The following SMG6 variants were observed in gnomAD, a reference collection of about 807,000 sequenced individuals.
The protein encoded by SMG6 is telomerase-binding protein EST1A.
In SMG6, 66 loss-of-function variants were observed where a neutral mutation model predicts 142.2. The ratio of observed to expected loss-of-function variants is 0.46; its 90% CI spans 0.38 to 0.57. The LOEUF (loss-of-function observed/expected upper bound fraction) is 0.57. SMG6 is among the 20% of genes least tolerant of loss of function. The probability of loss-of-function intolerance (pLI) is 0.00; values close to 1 mark genes in which losing one functional copy is unlikely to be tolerated. For missense variants in SMG6, 1,793 were observed against 1,832.0 expected (o/e 0.98, Z 0.39); for synonymous variants, 779 against 702.4 (o/e 1.11, Z -1.72).
intron 13 of SMG6, among the ~76,000 whole-genome samples, chr17:2,136,869 C>T (rs1005866064): frequency 2.0e-5 from 3 of 151,908 alleles, no homozygotes; most frequent in Admixed American, 1.3e-4. Context: ...CCTGAAAGAT[C>T]AAATTAAGGT....
rs1212132989 is a variant in SMG6 at position 2,079,611 on chromosome 17, CA to C, written c.3681+2198del. ...AGATCACGACAGCGAGACTCCATCT[CA>C]AAAAAAAAAAAGTAAAAGAAGCATG... On this transcript the variant is annotated intron_variant, in intron 15 of 18. Transcript: ENST00000263073. 7.6e-3 allele frequency among the ~76,000 whole-genome samples: 996 copies of C among 131,760 alleles called. 11 individuals carry two copies. The highest frequency in any genetic ancestry group is 0.023 in the African/African-American group (837 of 35,790). The allele number at this position is 131,760 out of a possible 152,430, so 86.4% of individuals were successfully genotyped here.
chr17:2,172,616 G>C, intron 13 of SMG6, 42 bp downstream of exon 13: 4 of 1,596,716 alleles, frequency 2.5e-6, no homozygotes, highest in Non-Finnish European at 3.4e-6. Context: ...GGAGAATTAA[G>C]AGGAGGGGCG....
At chr17:2,292,152 T>C (rs934008096) in intron 6 of SMG6, among the ~76,000 whole-genome samples, 1 of 152,226 alleles carries the variant, frequency 6.6e-6, no homozygotes, top group Non-Finnish European at 1.5e-5. Flanking sequence ...AGCAAAGATC[T>C]GACTACTTAG....
At chr17:2,088,985 T>C (rs2068641526) in intron 13 of SMG6, among the ~76,000 whole-genome samples, 1 of 152,134 alleles carries the variant, frequency 6.6e-6, no homozygotes, top group Non-Finnish European at 1.5e-5. Context: ...ATACAGTTAA[T>C]AAGAGACTTC....
chr17:2,156,450 T>C (rs936476970), intron 13 of SMG6, among the ~76,000 whole-genome samples: 1 of 146,022 alleles, frequency 6.8e-6, no homozygotes. Context: ...TACAGGTCCT[T>C]CTATCTTAGA....
intron 13 of SMG6, among the ~76,000 whole-genome samples, chr17:2,093,768 A>T (rs1254735400): frequency 6.6e-6 from 1 of 151,916 alleles, no homozygotes; most frequent in Non-Finnish European, 1.5e-5. Flanking sequence ...CTTGAGCTCA[A>T]GCGGGAAGCT....
Position 2,167,131 on chromosome 17 carries a change from C to CAAAA in SMG6, c.3357+5523_3357+5526dup, listed in dbSNP as rs57898779. On this transcript the variant is annotated intron_variant, in intron 13 of 18. Transcript: ENST00000263073. ...TGGGCGACAGAGTAGGACTCCATCT[C>CAAAA]AAAAAAAAAAAAAAAAAAAAAAAAA... Among the ~76,000 whole-genome samples, 72 of 35,676 alleles carry CAAAA rather than the reference C, an allele frequency of 2.0e-3. 2 individuals are homozygous for CAAAA. The highest frequency in any genetic ancestry group is 0.031 in the Middle Eastern group (1 of 32). 23.4% of individuals were successfully genotyped at this position (35,676 alleles called of 152,430 possible). A position where few individuals can be genotyped will look rare whatever the true frequency, so the allele number is the denominator to read the frequency against.
At chr17:2,211,124 G>C (rs1362529382) in intron 10 of SMG6, among the ~76,000 whole-genome samples, 1 of 133,188 alleles carries the variant, frequency 7.5e-6, no homozygotes, top group Non-Finnish European at 1.6e-5. Context: ...ATAGAAAAAA[G>C]ATACATAGAA....
At chr17:2,191,626 A>C (rs917094513) in intron 10 of SMG6, among the ~76,000 whole-genome samples, 2 of 152,164 alleles carry the variant, frequency 1.3e-5, no homozygotes, top group African/African-American at 2.4e-5. Context: ...AGGAAGTCAG[A>C]CGGAAATATT....
At chr17:2,223,682 C>T (rs905648603) in intron 10 of SMG6, among the ~76,000 whole-genome samples, 1 of 152,188 alleles carries the variant, frequency 6.6e-6, no homozygotes, top group African/African-American at 2.4e-5. Flanking sequence ...GCAGCCTTTC[C>T]TCTCCACTCC....
In SMG6 at chr17:2,169,327, G is replaced by C. The variant is rs113357641; in HGVS notation, c.3357+3331C>G. Reference sequence around the variant, plus strand: ...CTCATCTCTTAAAAAAAAAAAAAAGGAGGTAATAATACTTACATGGCAGGC... The same window carrying C: ...CTCATCTCTTAAAAAAAAAAAAAAGCAGGTAATAATACTTACATGGCAGGC... On this transcript the variant is annotated intron_variant, in intron 13 of 18. Transcript: ENST00000263073. Among the ~76,000 whole-genome samples the C allele has an allele frequency of 1.6e-3, 245 of 151,750 alleles. 2 individuals carry two copies. The highest frequency in any genetic ancestry group is 5.5e-3 in the African/African-American group (226 of 41,418).
chr17:2,113,834 T>C (rs1042030224), intron 13 of SMG6, among the ~76,000 whole-genome samples: 2 of 152,046 alleles, frequency 1.3e-5, no homozygotes, highest in African/African-American at 2.4e-5. Context: ...CACACGAGAG[T>C]GGTGGAACTA....
At chr17:2,301,452 A>T (rs2075274528) in intron 1 of SMG6, among the ~76,000 whole-genome samples, 1 of 152,220 alleles carries the variant, frequency 6.6e-6, no homozygotes, top group African/African-American at 2.4e-5. Context: ...AAAGTTCCAT[A>T]AGGGAACTTT....
At chr17:2,201,200 A>G (rs1255467541) in intron 10 of SMG6, among the ~76,000 whole-genome samples, 1 of 152,214 alleles carries the variant, frequency 6.6e-6, no homozygotes, top group African/African-American at 2.4e-5. Context: ...TAAATAAAAA[A>G]TTGGGCAAAG....
At chr17:2,164,225 C>A (rs1365258303) in intron 13 of SMG6, among the ~76,000 whole-genome samples, 1 of 151,478 alleles carries the variant, frequency 6.6e-6, no homozygotes, top group Non-Finnish European at 1.5e-5. Context: ...GAGTTTGAGA[C>A]CAGCTTGGCC....
At chr17:2,211,340 T>C (rs1021315117) in intron 10 of SMG6, among the ~76,000 whole-genome samples, 4 of 152,154 alleles carry the variant, frequency 2.6e-5, no homozygotes, top group Admixed American at 6.5e-5. Flanking sequence ...TAACTCTTCT[T>C]AGCCTTGGCA....
At chr17:2,271,959 A>G (rs1390260165) in intron 8 of SMG6, among the ~76,000 whole-genome samples, 3 of 152,224 alleles carry the variant, frequency 2.0e-5, no homozygotes, top group African/African-American at 7.2e-5. Context: ...AATTTAATGG[A>G]TAGAATAGTG....
chr17:2,170,437 G>A (rs2151646694), intron 13 of SMG6, among the ~76,000 whole-genome samples: 1 of 152,326 alleles, frequency 6.6e-6, no homozygotes, highest in Non-Finnish European at 1.5e-5. Context: ...AGCATCCTCT[G>A]GAATCAAGAC....
chr17:2,169,625 G>A (rs2071444163), intron 13 of SMG6, among the ~76,000 whole-genome samples: 1 of 152,178 alleles, frequency 6.6e-6, no homozygotes, highest in Non-Finnish European at 1.5e-5. Context: ...TGGTTTGTTT[G>A]AGGAACAGCA....
Sources: gnomAD v4.1 joint callset for allele counts (sites outside exome capture counted in the v4.1 genomes callset) on GRCh38, gnomAD v4.1.1 for gene constraint, MANE v1.5 for transcripts, NCBI Gene and HGNC (gene_info 2026-07-23, HGNC 2026-07-21) for gene names.